BEND3: variants seen among roughly 807,000 people sequenced by gnomAD.
BEND3 encodes BEN domain containing 3, also known as BEN domain-containing protein 3.
In BEND3, 13 loss-of-function variants were observed where a neutral mutation model predicts 60.1. The observed-to-expected ratio is 0.22, with a 90% CI of 0.14 to 0.34. The LOEUF (loss-of-function observed/expected upper bound fraction) is 0.34. Among genes scored for constraint, BEND3 ranks in the 10% least tolerant of loss-of-function variants. The pLI, the probability that BEND3 is intolerant of heterozygous loss-of-function variation, is 1.00. For missense variants in BEND3, 896 were observed against 1,138.1 expected, an observed-to-expected ratio of 0.79 and a Z score of 3.06; for synonymous variants, 497 against 491.5, an observed-to-expected ratio of 1.01 and a Z score of -0.15.
chr6:107,094,818 C>CTTTT (rs60923094), intron 3 of BEND3, among the ~76,000 whole-genome samples: 1 of 61,968 alleles, frequency 1.6e-5, no homozygotes. Flanking sequence ...ATGTCACTGC[C>CTTTT]TTTTTTTTTT....
intron 1 of BEND3, among the ~76,000 whole-genome samples, chr6:107,112,722 G>A (rs758765826): frequency 1.6e-4 from 24 of 151,756 alleles, no homozygotes; most frequent in Non-Finnish European, 2.9e-4. Context: ...GCATGGTGGC[G>A]CGCGCCTATA....
chr6:107,081,200 G>A (rs1021278279), intron 3 of BEND3, among the ~76,000 whole-genome samples: 3 of 151,200 alleles, frequency 2.0e-5, no homozygotes, highest in Non-Finnish European at 4.4e-5. Flanking sequence ...GAGTCACAGC[G>A]CCTGGCCTCA....
intron 3 of BEND3, 34 bp downstream of exon 3, chr6:107,098,517 C>A: frequency 6.2e-7 from 1 of 1,602,204 alleles, no homozygotes; most frequent in Non-Finnish European, 8.5e-7. Context: ...AGGGTTAGAG[C>A]CCAAGCAAAG....
chr6:107,104,877 C>G (rs1775780380), intron 1 of BEND3, among the ~76,000 whole-genome samples: 2 of 151,918 alleles, frequency 1.3e-5, no homozygotes, highest in African/African-American at 4.8e-5. Flanking sequence ...GTTGCCCAAG[C>G]TGGTCTCAAA....
At chr6:107,073,033 T>C (rs79295345) in intron 3 of BEND3, among the ~76,000 whole-genome samples, 1,936 of 151,350 alleles carry the variant, frequency 0.013, 33 homozygotes, top group African/African-American at 0.043. Flanking sequence ...TTTTGGATAA[T>C]AGAATAATCT....
chr6:107,100,229 AAATAC>A (rs529900373), intron 1 of BEND3, among the ~76,000 whole-genome samples: 166 of 152,212 alleles, frequency 1.1e-3, no homozygotes, highest in African/African-American at 3.9e-3. Context: ...TTACTGGGCT[AAATAC>A]AATACTTTAT....
chr6:107,096,847 C>T (rs782428934), intron 3 of BEND3, among the ~76,000 whole-genome samples: 3 of 152,092 alleles, frequency 2.0e-5, no homozygotes, highest in Non-Finnish European at 2.9e-5. Context: ...GTAATCCCAG[C>T]ACTTTGGGAG....
intron 3 of BEND3, among the ~76,000 whole-genome samples, chr6:107,072,956 C>T (rs12203301): frequency 0.26 from 38,763 of 151,654 alleles, 6,199 homozygotes; most frequent in Non-Finnish European, 0.36. Flanking sequence ...CCACTGCACC[C>T]CAGCCTGGGT....
intron 1 of BEND3, among the ~76,000 whole-genome samples, chr6:107,101,969 A>G (rs567671646): frequency 6.6e-6 from 1 of 152,326 alleles, no homozygotes; most frequent in South Asian, 2.1e-4. Context: ...TACAAAACAA[A>G]TTACATTTGG....
In BEND3 at chr6:107,066,643, GTCC is replaced by G. The variant is rs1774836251; in HGVS notation, c.*2058_*2060del. 1 of 152,540 alleles carries G rather than the reference GTCC, an allele frequency of 6.6e-6. No individual in the cohort carries two copies. The highest frequency in any genetic ancestry group is 1.5e-5 in the Non-Finnish European group (1 of 68,028). 9.4% of individuals were successfully genotyped at this position (152,540 alleles called of 1,614,324 possible). ...AAAGCAGGGCAATTCATGGCTTGGAGTCCTCGTTTACATCCTAGAAACCAGAAC... is the reference window on the plus strand; with the variant it reads ...AAAGCAGGGCAATTCATGGCTTGGAGTCGTTTACATCCTAGAAACCAGAAC... On this transcript the variant is annotated 3_prime_UTR_variant, in exon 4 of 4. Coordinates refer to ENST00000369042, the MANE Select transcript of BEND3 (RefSeq NM_001367314.1).
chr6:107,111,903 A>G (rs1770104799), intron 1 of BEND3, among the ~76,000 whole-genome samples: 5 of 151,036 alleles, frequency 3.3e-5, no homozygotes, highest in African/African-American at 1.2e-4. Flanking sequence ...AATCACTTGA[A>G]CCCAGGAGAT....
At position 107,070,856 on chromosome 6, in the gene BEND3, C is replaced by A; in HGVS notation, c.335G>T (p.Trp112Leu). Residue 112 changes from tryptophan to leucine, a missense_variant, in exon 4 of 4, where the codon TGG (tryptophan) becomes TTG (leucine). Coordinates refer to ENST00000369042, the MANE Select transcript of BEND3 (RefSeq NM_001367314.1). This position sits in a 1 kb window ranked among gnomAD's most constrained non-coding sequence, Gnocchi z 6.9. ...AGRGRSLGNV[W>L]PGEEEPCNDA... is the part of the protein sequence containing the mutation. ...GTTGCAGGGCTCCTCCTCTCCAGGC[C>A]ACACATTGCCCAGGCTCCTGCCCCT... 2 of 1,613,962 alleles carry A rather than the reference C, an allele frequency of 1.2e-6. No homozygotes were observed. Among genetic ancestry groups the A allele is most frequent in the Non-Finnish European group, 8.5e-7 (1 of 1,180,030 alleles).
At chr6:107,097,031 C>T (rs1775599352) in intron 3 of BEND3, among the ~76,000 whole-genome samples, 2 of 151,784 alleles carry the variant, frequency 1.3e-5, no homozygotes, top group African/African-American at 4.8e-5. Flanking sequence ...AATTATATAA[C>T]TTAAATTGGT....
chr6:107,095,907 G>C (rs1775576056), intron 3 of BEND3, among the ~76,000 whole-genome samples: 1 of 152,204 alleles, frequency 6.6e-6, no homozygotes, highest in Non-Finnish European at 1.5e-5. Context: ...AGGATGAACA[G>C]ATAGAGCATA....
At position 107,066,891 on chromosome 6, in the gene BEND3, C is replaced by G. The variant is rs1774844562; in HGVS notation, c.*1813G>C. On this transcript the variant is annotated 3_prime_UTR_variant, in exon 4 of 4. Transcript: ENST00000369042. ...CCTTTCCAGGCACAAAGAAGTTGAACTTGTTATTCGTGTAGGCCCCCTTCA... is the reference window on the plus strand; with the variant it reads ...CCTTTCCAGGCACAAAGAAGTTGAAGTTGTTATTCGTGTAGGCCCCCTTCA... 1 of 152,416 alleles carries G rather than the reference C, an allele frequency of 6.6e-6. No individual in the cohort carries two copies. The highest frequency in any genetic ancestry group is 6.6e-5 in the Admixed American group (1 of 15,266). The allele number at this position is 152,416 out of a possible 1,614,324, so 9.4% of individuals were successfully genotyped here.
chr6:107,071,783 T>C (rs1239053443), intron 3 of BEND3, among the ~76,000 whole-genome samples: 1 of 152,224 alleles, frequency 6.6e-6, no homozygotes, highest in Non-Finnish European at 1.5e-5. Context: ...TAGTGTATGA[T>C]TCCATTTGTG....
In BEND3 at chr6:107,100,782, A is replaced by G. The variant is rs543685278; in HGVS notation, c.-11-1486T>C. On this transcript the variant is annotated intron_variant, in intron 1 of 3. Transcript: ENST00000369042. ...ACAAAGGTAGTAACATTTGGAGAAT[A>G]TACATTGCAATCTTTAATGTTGACA... 2.0e-4 allele frequency among the ~76,000 whole-genome samples: 31 copies of G among 152,386 alleles called. 1 individual carries two copies. The highest frequency in any genetic ancestry group is 7.5e-4 in the African/African-American group (31 of 41,606).
At chr6:107,082,539 A>G (rs1775255755) in intron 3 of BEND3, among the ~76,000 whole-genome samples, 1 of 152,144 alleles carries the variant, frequency 6.6e-6, no homozygotes, top group African/African-American at 2.4e-5. Flanking sequence ...GGTTCAAGCG[A>G]TTCTCCTGCC....
intron 3 of BEND3, among the ~76,000 whole-genome samples, chr6:107,085,446 G>A (rs1039870524): frequency 8.5e-5 from 13 of 152,096 alleles, no homozygotes; most frequent in Admixed American, 3.9e-4. Flanking sequence ...TGAAATACCA[G>A]AGCATCCTCT....
Sources: allele counts gnomAD v4.1 joint callset (sites outside exome capture counted in the v4.1 genomes callset), GRCh38; gene constraint gnomAD v4.1.1; non-coding constraint Gnocchi (gnomAD v3.1); transcripts MANE v1.5; gene names NCBI Gene and HGNC (gene_info 2026-07-23, HGNC 2026-07-21).